The following SLC2A3 variants were observed in gnomAD, a reference collection of about 807,000 sequenced individuals.
SLC2A3 encodes solute carrier family 2, facilitated glucose transporter member 3.
A neutral mutation model predicts 46.4 loss-of-function variants in SLC2A3; 21 were observed. The ratio of observed to expected loss-of-function variants is 0.45; its 90% CI spans 0.32 to 0.65. The LOEUF is 0.65. SLC2A3 is among the 30% of genes least tolerant of loss of function. The pLI, the probability that SLC2A3 is intolerant of heterozygous loss-of-function variation, is 0.04. For missense variants in SLC2A3, 499 were observed against 623.3 expected (o/e 0.80, Z 2.12); for synonymous variants, 213 against 239.4 (o/e 0.89, Z 1.02).
intron 1 of SLC2A3, among the ~76,000 whole-genome samples, chr12:7,935,655 C>G (rs1946205340): frequency 6.6e-6 from 1 of 152,114 alleles, no homozygotes; most frequent in South Asian, 2.1e-4. Flanking sequence ...TTTTCAAGGT[C>G]TAATGCTTCC....
intron 8 of SLC2A3, among the ~76,000 whole-genome samples, chr12:7,923,448 T>C (rs1488996775): frequency 2.0e-5 from 3 of 152,136 alleles, no homozygotes; most frequent in Non-Finnish European, 2.9e-5. Context: ...ACACAGTCTC[T>C]ACTAAGAAGT....
At chr12:7,935,241 G>A (rs1946200354) in intron 1 of SLC2A3, among the ~76,000 whole-genome samples, 3 of 152,094 alleles carry the variant, frequency 2.0e-5, no homozygotes, top group Admixed American at 2.0e-4. Context: ...ATCGCCTGAG[G>A]TCGGGAGTCG....
chr12:7,921,715 A>G (rs1483512539), intron 9 of SLC2A3, 84 bp from the exon 10 acceptor site: 2 of 1,415,272 alleles, frequency 1.4e-6, no homozygotes, highest in Non-Finnish European at 1.9e-6. Flanking sequence ...CATATTTCCA[A>G]TAGGCTTCAA....
intron 9 of SLC2A3, among the ~76,000 whole-genome samples, 198 bp downstream of exon 9, chr12:7,922,623 A>G (rs1169864181): frequency 6.6e-6 from 1 of 151,834 alleles, no homozygotes; most frequent in Non-Finnish European, 1.5e-5. Context: ...CACCATGCCC[A>G]GCTAATTTTT....
At chr12:7,925,125 G>A (rs1480141752) in intron 7 of SLC2A3, among the ~76,000 whole-genome samples, 2 of 152,266 alleles carry the variant, frequency 1.3e-5, no homozygotes, top group Admixed American at 6.5e-5. Context: ...AGAGACAGAA[G>A]CTCCCATGCT....
At chr12:7,928,251 A>G (rs953533246) in intron 6 of SLC2A3, among the ~76,000 whole-genome samples, 2 of 151,726 alleles carry the variant, frequency 1.3e-5, no homozygotes, top group Non-Finnish European at 1.5e-5. Context: ...TACAAAAATT[A>G]GCCAGGCATG....
chr12:7,921,823 C>A (rs771969356), intron 9 of SLC2A3, among the ~76,000 whole-genome samples, 192 bp from the exon 10 acceptor site: 1 of 152,100 alleles, frequency 6.6e-6, no homozygotes, highest in Non-Finnish European at 1.5e-5. Context: ...TTCTTTCTGT[C>A]ATTCCATTTC....
chr12:7,921,918 T>C (rs1379621406), intron 9 of SLC2A3, among the ~76,000 whole-genome samples: 3 of 152,068 alleles, frequency 2.0e-5, no homozygotes, highest in Non-Finnish European at 4.4e-5. Context: ...CTGGGCCGAG[T>C]GCGGTGGCTC....
chr12:7,933,084 G>A lies in SLC2A3; in HGVS notation c.172C>T (p.Leu58=). 1 of 1,614,126 alleles carries A rather than the reference G, an allele frequency of 6.2e-7. No homozygotes were observed. The highest frequency in any genetic ancestry group is 2.2e-5 in the East Asian group (1 of 44,894). The change falls in exon 3 of 10, where the codon CTG becomes TTG. Residue 58 remains leucine (L), a synonymous_variant. Transcript: ENST00000075120. ...DKGNAPPSEV[L]LTSLWSLSVA... ...GACAAGGACCAGAGAGACGTGAGCA[G>A]CACCTCAGAGGGTGGGGCATTTCCC...
intron 6 of SLC2A3, among the ~76,000 whole-genome samples, chr12:7,927,896 C>T (rs1358014963): frequency 6.6e-6 from 1 of 151,970 alleles, no homozygotes; most frequent in Non-Finnish European, 1.5e-5. Context: ...CCAGCCTGGC[C>T]AACATGGTGA....
intron 6 of SLC2A3, among the ~76,000 whole-genome samples, chr12:7,927,999 G>A (rs1445312490): frequency 2.0e-5 from 3 of 151,980 alleles, no homozygotes; most frequent in East Asian, 1.9e-4. Context: ...CTGTAATCTC[G>A]GGAGTCTGAG....
rs1946090092 is a variant in SLC2A3 at position 7,925,871 on chromosome 12, C to G, written c.939G>C (p.Val313=). Residue 313 remains valine, a synonymous_variant, in exon 7 of 10, where the codon GTG becomes GTC. Transcript: ENST00000075120. The stretch of plus-strand genomic sequence containing the variant: ...AAACTACAGTGAAGATAGTATTAAC[C>G]ACACCCGCGCCGATGGTGGCATAGA... The part of the protein sequence containing the change: ...EPIYATIGAG[V]VNTIFTVVSL... 2.5e-6 allele frequency: 4 copies of G among 1,613,508 alleles called. No individual in the cohort carries two copies. The East Asian group carries it at 6.7e-5, about 27-fold the overall frequency.
intron 6 of SLC2A3, among the ~76,000 whole-genome samples, chr12:7,926,625 C>T (rs1946097633): frequency 6.6e-6 from 1 of 152,150 alleles, no homozygotes; most frequent in African/African-American, 2.4e-5. Flanking sequence ...CTCAGCCTCC[C>T]AAGTTGCTGG....
At chr12:7,934,251 T>C (rs910789001) in intron 1 of SLC2A3, among the ~76,000 whole-genome samples, 3 of 151,996 alleles carry the variant, frequency 2.0e-5, no homozygotes, top group Non-Finnish European at 4.4e-5. Flanking sequence ...AAAAAGACAG[T>C]CTCGGGTAGG....
intron 2 of SLC2A3, chr12:7,933,424 A>G (rs1447123979): frequency 1.9e-6 from 1 of 524,040 alleles, no homozygotes; most frequent in Non-Finnish European, 3.4e-6. Flanking sequence ...CTAAGGGATA[A>G]TACAGGATGT....
intron 3 of SLC2A3, 98 bp downstream of exon 3, chr12:7,932,889 T>A (rs1946171798): frequency 6.6e-7 from 1 of 1,515,204 alleles, no homozygotes; most frequent in African/African-American, 1.4e-5. Context: ...CAAGGTGTTC[T>A]TATTCAAAGG....
intron 3 of SLC2A3, among the ~76,000 whole-genome samples, chr12:7,932,403 C>T (rs1946165734): frequency 6.6e-6 from 1 of 152,098 alleles, no homozygotes; most frequent in Non-Finnish European, 1.5e-5. Context: ...GTCTCGAACT[C>T]CTGACCTCAG....
intron 9 of SLC2A3, 35 bp downstream of exon 9, chr12:7,922,786 A>G (rs374969555): frequency 1.2e-4 from 200 of 1,613,180 alleles, no homozygotes; most frequent in Non-Finnish European, 1.6e-4. Flanking sequence ...GTCAGCTTAC[A>G]TAGGCTGGTT....
intron 4 of SLC2A3, among the ~76,000 whole-genome samples, chr12:7,930,865 C>T (rs755227847): frequency 1.4e-4 from 20 of 139,926 alleles, no homozygotes; most frequent in Admixed American, 4.6e-4. Context: ...GGCACAATCT[C>T]GGCTCACTGC....
Sources: gnomAD v4.1 joint callset for allele counts (sites outside exome capture counted in the v4.1 genomes callset) on GRCh38, gnomAD v4.1.1 for gene constraint, MANE v1.5 for transcripts, NCBI Gene and HGNC (gene_info 2026-07-23, HGNC 2026-07-21) for gene names.